The following CDK15 variants were observed in gnomAD, a reference collection of about 807,000 sequenced individuals.
CDK15 encodes the protein cyclin dependent kinase 15, also known as cyclin-dependent kinase 15.
Under a neutral mutation model 60.3 loss-of-function variants are expected in CDK15, and 62 were observed. The ratio of observed to expected loss-of-function variants is 1.03; its 90% CI spans 0.84 to 1.27. CDK15 has a LOEUF of 1.27. CDK15 is among the 50% of genes most tolerant of loss of function. The probability of loss-of-function intolerance (pLI) is 0.00; values close to 1 mark genes in which losing one functional copy is unlikely to be tolerated. For missense variants in CDK15, 541 were observed against 527.8 expected (o/e 1.03, Z -0.25); for synonymous variants, 194 against 195.7 (o/e 0.99, Z 0.07).
chr2:201,823,648 T>C lies in CDK15; in HGVS notation c.544-17T>C, dbSNP rs369220812. On this transcript the variant is annotated splice_polypyrimidine_tract_variant and intron_variant, in intron 5 of 13. Coordinates refer to ENST00000652192, the MANE Select transcript of CDK15 (RefSeq NM_001366386.2). Reference sequence around the variant, plus strand: ...CACTAAATTCACTCACTTCTCTTTCTCCGCTGTTTTATTTAGCACACAGAC... The same window carrying C: ...CACTAAATTCACTCACTTCTCTTTCCCCGCTGTTTTATTTAGCACACAGAC... The C allele has an allele frequency of 3.7e-6, 6 of 1,612,032 alleles. No individual in the cohort carries two copies. Among genetic ancestry groups the C allele is most frequent in the African/African-American group, 2.7e-5 (2 of 75,000 alleles).
At chr2:201,820,939 C>T (rs758577915) in intron 4 of CDK15, among the ~76,000 whole-genome samples, 5 of 152,114 alleles carry the variant, frequency 3.3e-5, no homozygotes, top group Non-Finnish European at 7.4e-5. Context: ...GCTCCTTCGG[C>T]GTAAGTCAGC....
intron 7 of CDK15, 50 bp downstream of exon 7, chr2:201,834,021 G>C: frequency 6.3e-7 from 1 of 1,594,228 alleles, no homozygotes; most frequent in Non-Finnish European, 8.5e-7. Flanking sequence ...TGATGCTTTT[G>C]TGTGCACTTG....
Position 201,880,067 on chromosome 2 carries a change from G to A in CDK15, c.1098G>A (p.Gln366=). ...CTGAAGCTGAAGACCTGGCCTCCCAGATGCTAAAAGGCTTTCCCAGAGACC... is the reference window on the plus strand; with the variant it reads ...CTGAAGCTGAAGACCTGGCCTCCCAAATGCTAAAAGGCTTTCCCAGAGACC... The part of the protein sequence containing the change: ...RVPEAEDLAS[Q]MLKGFPRDRV... Residue 366 remains glutamine, a synonymous_variant, in exon 12 of 14, where the codon CAG becomes CAA. Transcript: ENST00000652192. The A allele has an allele frequency of 2.5e-6, 4 of 1,614,098 alleles. No homozygotes were observed. The highest frequency in any genetic ancestry group is 3.4e-6 in the Non-Finnish European group (4 of 1,180,000).
chr2:201,871,261 G>A (rs139355496), intron 10 of CDK15, among the ~76,000 whole-genome samples: 5 of 152,076 alleles, frequency 3.3e-5, no homozygotes, highest in Non-Finnish European at 4.4e-5. Context: ...CTAGGCTCAG[G>A]TGATCCTCCC....
chr2:201,824,736 T>C, intron 6 of CDK15: 1 of 608,300 alleles, frequency 1.6e-6, no homozygotes. Context: ...AGAATTCATA[T>C]ATCATCAAAG....
At chr2:201,820,888 C>A (rs1416798237) in intron 4 of CDK15, among the ~76,000 whole-genome samples, 1 of 152,160 alleles carries the variant, frequency 6.6e-6, no homozygotes, top group Non-Finnish European at 1.5e-5. Context: ...AAAATTAAGG[C>A]ATTAGTCATT....
intron 11 of CDK15, among the ~76,000 whole-genome samples, chr2:201,874,089 G>A (rs1698981637): frequency 1.3e-5 from 2 of 148,752 alleles, no homozygotes; most frequent in Admixed American, 1.3e-4. Context: ...AAAGTTGGGG[G>A]GAGGTAATGT....
rs757496592 is a variant in CDK15, at chr2:201,807,506, A to G, written c.136A>G (p.Lys46Glu). 1.2e-6 allele frequency: 2 copies of G among 1,614,042 alleles called. No individual in the cohort carries two copies. The change falls in exon 2 of 14, where the codon AAA (lysine) becomes GAA (glutamate). Residue 46 changes from lysine (K) to glutamate (E), a missense_variant. Physicochemically the swap from Lys to Glu is moderately conservative, Grantham distance 56. Transcript: ENST00000652192. Reference protein sequence around the residue: ...TEAAFKLTDLKEASCSMTSFH... With the variant: ...TEAAFKLTDLEEASCSMTSFH... ...CTTTTTTCTCTAGCTAACAGACCTAAAAGAAGCATCATGTTCCATGACTTC... is the reference window on the plus strand; with the variant it reads ...CTTTTTTCTCTAGCTAACAGACCTAGAAGAAGCATCATGTTCCATGACTTC...
At chr2:201,856,219 G>A (rs1698140089) in intron 10 of CDK15, among the ~76,000 whole-genome samples, 1 of 152,158 alleles carries the variant, frequency 6.6e-6, no homozygotes, top group Non-Finnish European at 1.5e-5. Flanking sequence ...GATTAAAGAA[G>A]AGAATAAAAT....
chr2:201,843,857 A>C (rs1333533984), intron 8 of CDK15, among the ~76,000 whole-genome samples: 1 of 152,068 alleles, frequency 6.6e-6, no homozygotes, highest in Non-Finnish European at 1.5e-5. Context: ...AATATATTTT[A>C]CATAATTTTG....
chr2:201,855,824 CTTTTT>C (rs570053529), intron 10 of CDK15, among the ~76,000 whole-genome samples: 1 of 134,008 alleles, frequency 7.5e-6, no homozygotes, highest in Non-Finnish European at 1.6e-5. Context: ...GTTGTCCTTA[CTTTTT>C]TTTTTTTTTT....
chr2:201,834,207 T>A (rs1696906886), intron 7 of CDK15, among the ~76,000 whole-genome samples: 1 of 152,208 alleles, frequency 6.6e-6, no homozygotes, highest in Admixed American at 6.5e-5. Context: ...TGGGCACCCT[T>A]GCTGCCCCAC....
At chr2:201,824,126 A>G (rs1696357390) in intron 6 of CDK15, among the ~76,000 whole-genome samples, 1 of 152,244 alleles carries the variant, frequency 6.6e-6, no homozygotes, top group South Asian at 2.1e-4. Context: ...CAATACTTGT[A>G]CTAGCAGATC....
chr2:201,866,060 T>C (rs1574920019), intron 10 of CDK15, among the ~76,000 whole-genome samples: 1 of 147,272 alleles, frequency 6.8e-6, no homozygotes, highest in Non-Finnish European at 1.5e-5. Context: ...GGGGTGAGGG[T>C]GAAGGGCACG....
intron 10 of CDK15, among the ~76,000 whole-genome samples, chr2:201,869,913 C>T (rs146954792): frequency 1.3e-3 from 199 of 152,336 alleles, no homozygotes; most frequent in African/African-American, 4.6e-3. Context: ...ACATACTAAA[C>T]AAATGCCAGA....
At chr2:201,859,029 C>G (rs1003487804) in intron 10 of CDK15, among the ~76,000 whole-genome samples, 8 of 152,126 alleles carry the variant, frequency 5.3e-5, no homozygotes, top group African/African-American at 1.4e-4. Context: ...AAAGGGCTGC[C>G]GTCTTTCACA....
At chr2:201,829,628 G>A (rs1696662189) in intron 6 of CDK15, among the ~76,000 whole-genome samples, 1 of 152,108 alleles carries the variant, frequency 6.6e-6, no homozygotes, top group South Asian at 2.1e-4. Flanking sequence ...GGCAATCTGA[G>A]TTGGAGATAA....
intron 9 of CDK15, among the ~76,000 whole-genome samples, chr2:201,854,184 A>C (rs1031252425): frequency 9.2e-5 from 14 of 152,210 alleles, no homozygotes; most frequent in African/African-American, 3.4e-4. Flanking sequence ...AAAAAAAAAA[A>C]ACATCGGTAA....
chr2:201,847,302 G>A (rs1697712790), intron 8 of CDK15, 79 bp from the exon 9 acceptor site: 1 of 1,342,598 alleles, frequency 7.4e-7, no homozygotes, highest in Admixed American at 1.9e-5. Flanking sequence ...ATATTTCTTG[G>A]GAAGAGAAAT....
Sources: allele counts gnomAD v4.1 joint callset (sites outside exome capture counted in the v4.1 genomes callset), GRCh38; gene constraint gnomAD v4.1.1; transcripts MANE v1.5; gene names NCBI Gene and HGNC (gene_info 2026-07-23, HGNC 2026-07-21).